Variants in ZSCAN2 observed in about 807,000 individuals in gnomAD.
The protein encoded by ZSCAN2 is zinc finger and SCAN domain containing 2, also known as zinc finger and SCAN domain-containing protein 2.
ZSCAN2 carries 26 observed loss-of-function variants against 47.8 expected under a neutral mutation model. That is an observed-to-expected ratio of 0.54 (90% CI 0.40 to 0.75). ZSCAN2 has a LOEUF of 0.75. Ranked by LOEUF, ZSCAN2 falls within the 30% of genes least tolerant of loss-of-function variation. The pLI, the probability that ZSCAN2 is intolerant of heterozygous loss-of-function variation, is 0.00. For missense variants in ZSCAN2, 732 were observed against 785.4 expected (o/e 0.93, Z 0.81); for synonymous variants, 305 against 288.7 (o/e 1.06, Z -0.57).
At chr15:84,620,275 A>T (rs1895785852) in intron 2 of ZSCAN2, among the ~76,000 whole-genome samples, 1 of 152,132 alleles carries the variant, frequency 6.6e-6, no homozygotes, top group Non-Finnish European at 1.5e-5. Context: ...ATATGATCTC[A>T]TTCTTTTTTT....
intron 1 of ZSCAN2, among the ~76,000 whole-genome samples, chr15:84,602,663 A>G (rs1047432653): frequency 7.2e-6 from 1 of 139,840 alleles, no homozygotes; most frequent in Admixed American, 8.2e-5. Context: ...ATCTCGGCTC[A>G]CTGCAACCTC....
At position 84,621,774 on chromosome 15, in the gene ZSCAN2, GAGA is replaced by G; in HGVS notation, c.1582_1584del (p.Lys528del). On this transcript the variant is annotated inframe_deletion, in exon 3 of 3. Transcript: ENST00000546148. This position sits in a 1 kb window ranked among gnomAD's most constrained non-coding sequence, Gnocchi z 5.7. ...AGTGCACCAGCGGACCCACACGGGCGAGAAGCCCTACAAATGCCTCATGTGCGG... is the reference window on the plus strand; with the variant it reads ...AGTGCACCAGCGGACCCACACGGGCGAGCCCTACAAATGCCTCATGTGCGG... 11 of 1,614,220 alleles carry G rather than the reference GAGA, an allele frequency of 6.8e-6. No individual in the cohort carries two copies. The highest frequency in any genetic ancestry group is 9.3e-6 in the Non-Finnish European group (11 of 1,180,032).
In ZSCAN2 at chr15:84,622,720, A is replaced by T. The variant is rs765357706; in HGVS notation, c.*680A>T. The T allele has an allele frequency of 1.4e-5, 10 of 716,730 alleles. No individual in the cohort carries two copies. The highest frequency in any genetic ancestry group is 2.3e-5 in the Non-Finnish European group (9 of 384,916). 44.4% of individuals were successfully genotyped at this position (716,730 alleles called of 1,614,324 possible). A position where few individuals can be genotyped will look rare whatever the true frequency, so the allele number is the denominator to read the frequency against. On this transcript the variant is annotated 3_prime_UTR_variant, in exon 3 of 3. Transcript: ENST00000546148. ...TCCCAGTGTCCTTTCCATTGGTAAG[A>T]GTTGGACAGGGCCTTCAGGAAAGGG... is the stretch of plus-strand genomic sequence containing the variant.
intron 1 of ZSCAN2, among the ~76,000 whole-genome samples, chr15:84,601,619 T>C (rs1895204868): frequency 6.8e-6 from 1 of 147,716 alleles, no homozygotes; most frequent in South Asian, 2.1e-4. Flanking sequence ...TTTTTTGTCC[T>C]TTTTTTTTTA....
In ZSCAN2 at chr15:84,604,205, A is replaced by C; in HGVS notation, c.278A>C (p.His93Pro). 1 of 1,613,900 alleles carries C rather than the reference A, an allele frequency of 6.2e-7. No individual in the cohort carries two copies. ...LCRRWLRPEV[H>P]TKEQMLTMLP... Reference sequence around the variant, plus strand: ...CGGCGCTGGCTGAGACCAGAGGTACACACCAAGGAGCAGATGTTAACCATG... The same window carrying C: ...CGGCGCTGGCTGAGACCAGAGGTACCCACCAAGGAGCAGATGTTAACCATG... The change falls in exon 2 of 3, where the codon CAC becomes CCC. Residue 93 changes from histidine (H) to proline (P), a missense_variant. Transcript: ENST00000546148.
chr15:84,616,395 C>CT (rs1263354497), intron 2 of ZSCAN2: 1 of 1,603,086 alleles, frequency 6.2e-7, no homozygotes, highest in Non-Finnish European at 8.5e-7. Context: ...GAAGCCAGCC[C>CT]TGCTTACCCC....
rs1667431600 is a variant in ZSCAN2, at chr15:84,620,658, G to T, written c.463G>T (p.Glu155Ter). The change falls in exon 3 of 3, where the codon GAA becomes TAA. Residue 155 changes from glutamate (E) to a stop codon, truncating the protein, a stop_gained. Transcript: ENST00000546148. LOFTEE classifies it high-confidence loss of function. The part of the protein sequence containing the change: ...ENCNQDMFEN[E>*]SRKIFSEMPE... The stretch of plus-strand genomic sequence containing the variant: ...CTGTAATCAAGACATGTTTGAGAAT[G>T]AATCACGTAAGATATTCTCGGAAAT... The T allele has an allele frequency of 6.2e-7, 1 of 1,613,844 alleles. No individual in the cohort carries two copies. The highest frequency in any genetic ancestry group is 1.3e-5 in the African/African-American group (1 of 75,062).
At chr15:84,619,838 C>A (rs1451825240) in intron 2 of ZSCAN2, among the ~76,000 whole-genome samples, 1 of 151,854 alleles carries the variant, frequency 6.6e-6, no homozygotes, top group Non-Finnish European at 1.5e-5. Context: ...GGACATGGAA[C>A]CCAAATCTTT....
chr15:84,619,429 C>CA (rs760419756), intron 2 of ZSCAN2, among the ~76,000 whole-genome samples: 1,242 of 109,336 alleles, frequency 0.011, 14 homozygotes, highest in Admixed American at 0.028. Context: ...GACTCCGTCT[C>CA]AAAAAAAAAA....
In ZSCAN2 at chr15:84,604,233, G is replaced by C. The variant is rs761362259; in HGVS notation, c.306G>C (p.Leu102=). 6.2e-7 allele frequency: 1 copy of C among 1,614,114 alleles called. No individual in the cohort carries two copies. The change falls in exon 2 of 3, where the codon CTG becomes CTC. Residue 102 remains leucine, a synonymous_variant. Transcript: ENST00000546148. The part of the protein sequence containing the change: ...VHTKEQMLTM[L]PKEIQAWLQE... ...CCAAGGAGCAGATGTTAACCATGCT[G>C]CCAAAGGAAATTCAGGCTTGGCTGC...
Position 84,620,900 on chromosome 15 carries a change from C to T in ZSCAN2, c.705C>T (p.Ser235=), listed in dbSNP as rs1432749938. The stretch of plus-strand genomic sequence containing the variant: ...GTGGGAAGACCTTCAGCCGGAAATC[C>T]CACCTCATCACACACGAGAGGACCC... The part of the protein sequence containing the change: ...PQCGKTFSRK[S]HLITHERTHT... The change falls in exon 3 of 3, where the codon TCC becomes TCT. Residue 235 remains serine, a synonymous_variant. Transcript: ENST00000546148. 3.1e-6 allele frequency: 5 copies of T among 1,614,038 alleles called. No homozygotes were observed. Among genetic ancestry groups the T allele is most frequent in the South Asian group, 1.1e-5 (1 of 91,084 alleles).
chr15:84,609,892 G>A (rs542379115), intron 2 of ZSCAN2, among the ~76,000 whole-genome samples: 1 of 152,344 alleles, frequency 6.6e-6, no homozygotes, highest in African/African-American at 2.4e-5. Flanking sequence ...TTACAGCAAA[G>A]TCAGGTCTAT....
chr15:84,614,918 A>C (rs1474605062), intron 2 of ZSCAN2: 2 of 149,330 alleles, frequency 1.3e-5, no homozygotes, highest in African/African-American at 4.9e-5. Context: ...TAACTTTCAC[A>C]TGTTCTTATA....
rs927064422 is a variant in ZSCAN2 at position 84,622,121 on chromosome 15, C to G, written c.*81C>G. ...CCAACAGTGATTCCCTTTCAAAGAG[C>G]TGTGCTTCCTAAACATTCTGGGGGG... On this transcript the variant is annotated 3_prime_UTR_variant, in exon 3 of 3. Coordinates refer to ENST00000546148, the MANE Select transcript of ZSCAN2 (RefSeq NM_181877.4). 22 of 1,244,514 alleles carry G rather than the reference C, an allele frequency of 1.8e-5. No individual in the cohort carries two copies. The African/African-American group carries it at 3.3e-4, about 19-fold the overall frequency. The allele number at this position is 1,244,514 out of a possible 1,614,324, so 77.1% of individuals were successfully genotyped here.
chr15:84,616,357 C>G, intron 2 of ZSCAN2: 4 of 1,610,530 alleles, frequency 2.5e-6, no homozygotes, highest in Non-Finnish European at 3.4e-6. Flanking sequence ...CAGTTGCAGC[C>G]TCACCTCCTT....
chr15:84,612,101 T>C (rs930190703), intron 2 of ZSCAN2: 31 of 152,264 alleles, frequency 2.0e-4, no homozygotes, highest in African/African-American at 6.5e-4. Flanking sequence ...CTGGATCTCA[T>C]AGGGGCCAGC....
In ZSCAN2 at chr15:84,606,495, T is replaced by G. The variant is rs369923392; in HGVS notation, c.406+2162T>G. 4.7e-5 allele frequency: 73 copies of G among 1,550,208 alleles called. No homozygotes were observed. In the African/African-American group the frequency reaches 9.4e-4, roughly 20 times the overall value. ...AAATAACTGCATTTTATTCCTTCTA[T>G]TAAAATAAGCAAACCTGTCTCCCTA... On this transcript the variant is annotated intron_variant, in intron 2 of 2. Coordinates refer to ENST00000546148, the MANE Select transcript of ZSCAN2 (RefSeq NM_181877.4).
intron 2 of ZSCAN2, among the ~76,000 whole-genome samples, chr15:84,608,891 C>T (rs756361298): frequency 6.6e-6 from 1 of 152,326 alleles, no homozygotes; most frequent in South Asian, 2.1e-4. Context: ...TCTCACCAAG[C>T]CCCGCTGAAG....
At chr15:84,611,094 C>T (rs1895534046) in intron 2 of ZSCAN2, among the ~76,000 whole-genome samples, 1 of 151,624 alleles carries the variant, frequency 6.6e-6, no homozygotes, top group Non-Finnish European at 1.5e-5. Flanking sequence ...GAGTTCAAGA[C>T]CAGCCTGGCC....
Sources: allele counts gnomAD v4.1 joint callset (sites outside exome capture counted in the v4.1 genomes callset), GRCh38; gene constraint gnomAD v4.1.1; non-coding constraint Gnocchi (gnomAD v3.1); transcripts MANE v1.5; gene names NCBI Gene and HGNC (gene_info 2026-07-23, HGNC 2026-07-21).